The following ARPC2 variants were observed in gnomAD, a reference collection of about 807,000 sequenced individuals.
ARPC2 encodes the protein actin related protein 2/3 complex subunit 2.
In ARPC2, 4 loss-of-function variants were observed where a neutral mutation model predicts 38.6. The ratio of observed to expected loss-of-function variants is 0.10; its 90% CI spans 0.05 to 0.24. The LOEUF is 0.24. Among genes scored for constraint, ARPC2 ranks in the 10% least tolerant of loss-of-function variants. The pLI is 1.00. For synonymous variants in ARPC2, 125 were observed against 140.8 expected (o/e 0.89, Z 0.79); for missense variants, 229 against 387.3 (o/e 0.59, Z 3.43).
At chr2:218,226,703 T>C (rs1689505954) in intron 3 of ARPC2, among the ~76,000 whole-genome samples, 1 of 150,676 alleles carries the variant, frequency 6.6e-6, no homozygotes, top group African/African-American at 2.4e-5. Flanking sequence ...CTCTTTATAA[T>C]AGATGACCAT....
intron 2 of ARPC2, among the ~76,000 whole-genome samples, chr2:218,224,424 A>G (rs1022339109): frequency 4.6e-5 from 7 of 152,172 alleles, no homozygotes; most frequent in Non-Finnish European, 5.9e-5. Flanking sequence ...GTATGCTTCC[A>G]TGCTTCCTCC....
chr2:218,243,121 G>A (rs571733862), intron 7 of ARPC2, among the ~76,000 whole-genome samples: 8 of 152,272 alleles, frequency 5.3e-5, no homozygotes, highest in Middle Eastern at 3.4e-3. Flanking sequence ...TTTGTTGAGA[G>A]CTCCTCTTGT....
At position 218,239,451 on chromosome 2, in the gene ARPC2, C is replaced by T. The variant is rs377655586; in HGVS notation, c.516C>T (p.Asp172=). 2.5e-6 allele frequency: 4 copies of T among 1,613,990 alleles called. No homozygotes were observed. Among genetic ancestry groups the T allele is most frequent in the South Asian group, 2.2e-5 (2 of 91,072 alleles). The change falls in exon 7 of 11, where the codon GAC becomes GAT. Residue 172 remains aspartate, a synonymous_variant. Transcript: ENST00000315717. ...TCTTCAGCACAGTGTTTAAGGATGA[C>T]GACGATGTGGTCATTGGAAAGGTGT... is the stretch of plus-strand genomic sequence containing the variant. ...TVVFSTVFKD[D]DDVVIGKVFM...
chr2:218,228,573 T>A (rs574285028), intron 3 of ARPC2, among the ~76,000 whole-genome samples, 165 bp from the exon 4 acceptor site: 1 of 152,346 alleles, frequency 6.6e-6, no homozygotes, highest in South Asian at 2.1e-4. Context: ...AGCAATTCTA[T>A]CCCAGTGTTT....
chr2:218,249,065 G>A (rs1346846321), intron 8 of ARPC2, among the ~76,000 whole-genome samples: 1 of 152,220 alleles, frequency 6.6e-6, no homozygotes, highest in Non-Finnish European at 1.5e-5. Context: ...TAGTACCTGT[G>A]TGGCAGACCG....
chr2:218,217,773 G>A (rs1472132303), intron 2 of ARPC2, among the ~76,000 whole-genome samples: 2 of 152,224 alleles, frequency 1.3e-5, no homozygotes, highest in East Asian at 3.9e-4. Context: ...CGAGTGGTGA[G>A]GGCTGTGCGT....
rs34654904 is a variant in ARPC2, at chr2:218,238,590, C to CTTT, written c.269-54_269-52dup. On this transcript the variant is annotated intron_variant, in intron 5 of 10. Coordinates refer to ENST00000315717, the MANE Select transcript of ARPC2 (RefSeq NM_152862.3). ...TTTACTTGGTATAGATAGTATGCTG[C>CTTT]TTTTTTTTTTTTTTTTTTTTTTAAA... 962 of 427,112 alleles carry CTTT rather than the reference C, an allele frequency of 2.3e-3. 8 individuals are homozygous for CTTT. Among genetic ancestry groups the CTTT allele is most frequent in the African/African-American group, 0.02 (545 of 26,730 alleles). The allele number at this position is 427,112 out of a possible 1,614,324, so 26.5% of individuals were successfully genotyped here.
chr2:218,217,427 C>T (rs776136921), intron 1 of ARPC2, 36 bp from the exon 2 acceptor site: 1 of 1,605,940 alleles, frequency 6.2e-7, no homozygotes, highest in East Asian at 2.2e-5. Flanking sequence ...CTTACCCACC[C>T]TCACCGGCCC....
chr2:218,217,320 C>T (rs975882509), intron 1 of ARPC2, 66 bp downstream of exon 1: 10 of 677,722 alleles, frequency 1.5e-5, no homozygotes, highest in African/African-American at 1.3e-4. Context: ...TCTTACCCTT[C>T]CCTCCACCCC....
intron 4 of ARPC2, 30 bp downstream of exon 4, chr2:218,228,880 C>T: frequency 1.4e-6 from 2 of 1,396,236 alleles, no homozygotes; most frequent in Non-Finnish European, 2.0e-6. Context: ...CCTTGGGACT[C>T]TTGTTTCCTC....
intron 2 of ARPC2, among the ~76,000 whole-genome samples, chr2:218,219,840 T>G (rs199627816): frequency 6.6e-6 from 1 of 151,060 alleles, no homozygotes; most frequent in Non-Finnish European, 1.5e-5. Flanking sequence ...TGAAAATCTT[T>G]AAAAAAAAAG....
intron 5 of ARPC2, among the ~76,000 whole-genome samples, chr2:218,237,553 T>G (rs1205901271): frequency 6.6e-6 from 1 of 151,192 alleles, no homozygotes; most frequent in Non-Finnish European, 1.5e-5. Context: ...GATGAGGAAA[T>G]TAACAAGTCA....
rs574398567 is a variant in ARPC2, at chr2:218,249,633, C to T, written c.777+169C>T. 401 of 738,776 alleles carry T rather than the reference C, an allele frequency of 5.4e-4. 2 individuals are homozygous for T. In the African/African-American group the frequency reaches 6.6e-3, roughly 12 times the overall value. The allele number at this position is 738,776 out of a possible 1,614,324, so 45.8% of individuals were successfully genotyped here. A position where few individuals can be genotyped will look rare whatever the true frequency, so the allele number is the denominator to read the frequency against. ...CTTTCTTCATCAAGCCACTGTCCCC[C>T]ATCCCTCCCTATAGCAGAGATGAAT... On this transcript the variant is annotated intron_variant, in intron 9 of 10. Transcript: ENST00000315717.
intron 8 of ARPC2, among the ~76,000 whole-genome samples, chr2:218,248,864 C>T (rs948619914): frequency 6.6e-6 from 1 of 152,224 alleles, no homozygotes; most frequent in South Asian, 2.1e-4. Context: ...CAGGTCCTTA[C>T]ACCTTATTGT....
chr2:218,217,620 C>T, intron 2 of ARPC2, 76 bp downstream of exon 2: 1 of 1,421,070 alleles, frequency 7.0e-7, no homozygotes, highest in Non-Finnish European at 9.7e-7. Context: ...TTGTCCAGTC[C>T]CCCAGACCTG....
At chr2:218,253,864 C>T in intron 10 of ARPC2, 27 bp from the exon 11 acceptor site, 1 of 1,613,114 alleles carries the variant, frequency 6.2e-7, no homozygotes, top group Non-Finnish European at 8.5e-7. Flanking sequence ...CAGAAACTGA[C>T]CTTCGCACTT....
chr2:218,235,240 A>T, intron 5 of ARPC2: 1 of 185,894 alleles, frequency 5.4e-6, no homozygotes, highest in Non-Finnish European at 1.1e-5. Flanking sequence ...TGGTACAGTC[A>T]TAGCTCACTG....
chr2:218,217,191 C>A lies in ARPC2; in HGVS notation c.-72C>A, dbSNP rs977088558. Reference sequence around the variant, plus strand: ...GGGGCTGGGCGGGGACCGGGCTTGTCGGTGAAGCGGCAGTGGCGGCGGCGG... The same window carrying A: ...GGGGCTGGGCGGGGACCGGGCTTGTAGGTGAAGCGGCAGTGGCGGCGGCGG... On this transcript the variant is annotated 5_prime_UTR_variant, in exon 1 of 11. Transcript: ENST00000315717. 91 of 426,208 alleles carry A rather than the reference C, an allele frequency of 2.1e-4. No individual in the cohort carries two copies. The highest frequency in any genetic ancestry group is 8.2e-4 in the Admixed American group (19 of 23,282). 26.4% of individuals were successfully genotyped at this position (426,208 alleles called of 1,614,324 possible).
At chr2:218,252,970 A>G (rs550900499) in intron 10 of ARPC2, 2 of 456,890 alleles carry the variant, frequency 4.4e-6, no homozygotes, top group African/African-American at 4.0e-5. Flanking sequence ...GTTGGGCCCC[A>G]GAAAGGAGAA....
Sources: allele counts gnomAD v4.1 joint callset (sites outside exome capture counted in the v4.1 genomes callset), GRCh38; gene constraint gnomAD v4.1.1; transcripts MANE v1.5; gene names NCBI Gene and HGNC (gene_info 2026-07-23, HGNC 2026-07-21).